The following CHST11 variants were observed in gnomAD, a reference collection of about 807,000 sequenced individuals.
CHST11 encodes carbohydrate sulfotransferase 11.
Under a neutral mutation model 30.4 loss-of-function variants are expected in CHST11, and 9 were observed. The ratio of observed to expected loss-of-function variants is 0.30; its 90% CI spans 0.18 to 0.52. CHST11 has a LOEUF of 0.52. Ranked by LOEUF, CHST11 falls within the 20% of genes least tolerant of loss-of-function variation. The probability of loss-of-function intolerance (pLI) is 0.97; values close to 1 mark genes in which losing one functional copy is unlikely to be tolerated. For synonymous variants in CHST11, 152 were observed against 187.8 expected (o/e 0.81, Z 1.56); for missense variants, 348 against 460.6 (o/e 0.76, Z 2.24).
At chr12:104,532,087 T>A (rs1049790556) in intron 1 of CHST11, among the ~76,000 whole-genome samples, 1 of 152,178 alleles carries the variant, frequency 6.6e-6, no homozygotes, top group African/African-American at 2.4e-5. Context: ...CTCATCTCTG[T>A]CTATCCTCTT....
intron 2 of CHST11, among the ~76,000 whole-genome samples, chr12:104,660,912 G>T (rs571590246): frequency 9.2e-5 from 14 of 152,136 alleles, no homozygotes; most frequent in Non-Finnish European, 1.6e-4. Context: ...TACATTTGGG[G>T]TTTCTGTGGT....
chr12:104,541,999 T>C (rs1222909354), intron 1 of CHST11, among the ~76,000 whole-genome samples: 1 of 152,240 alleles, frequency 6.6e-6, no homozygotes, highest in Admixed American at 6.5e-5. Context: ...GCATTTTACT[T>C]TCTAGCAACT....
At chr12:104,723,837 A>G (rs1424583640) in intron 2 of CHST11, among the ~76,000 whole-genome samples, 1 of 152,240 alleles carries the variant, frequency 6.6e-6, no homozygotes, top group African/African-American at 2.4e-5. Context: ...ATATAAAACG[A>G]ATTCTGTTCA....
intron 1 of CHST11, among the ~76,000 whole-genome samples, chr12:104,523,769 C>T (rs1337978773): frequency 6.6e-6 from 1 of 152,172 alleles, no homozygotes; most frequent in Non-Finnish European, 1.5e-5. Flanking sequence ...GGTTGTTTAC[C>T]TGTTATCTCT....
In CHST11 at chr12:104,726,110, A is replaced by G. The variant is rs1459846119; in HGVS notation, c.205-30839A>G. ...TCTGTTGACAGAGGTCAGAGAAGAC[A>G]ACAGAGAGATAGCAGAAAGAAATAT... On this transcript the variant is annotated intron_variant, in intron 2 of 2. Coordinates refer to ENST00000303694, the MANE Select transcript of CHST11 (RefSeq NM_018413.6). 2.6e-5 allele frequency among the ~76,000 whole-genome samples: 4 copies of G among 152,230 alleles called. No homozygotes were observed. In the East Asian group the frequency reaches 7.7e-4, roughly 29 times the overall value.
intron 1 of CHST11, chr12:104,588,930 A>G (rs1364597217): frequency 2.0e-5 from 3 of 152,210 alleles, no homozygotes; most frequent in African/African-American, 7.2e-5. Context: ...CCATCAGTGG[A>G]TGAATGAATA....
intron 1 of CHST11, among the ~76,000 whole-genome samples, chr12:104,525,516 G>C (rs1385337609): frequency 6.6e-6 from 1 of 152,158 alleles, no homozygotes; most frequent in Non-Finnish European, 1.5e-5. Flanking sequence ...CCATTTTGCT[G>C]TTCTCTACCT....
intron 1 of CHST11, among the ~76,000 whole-genome samples, chr12:104,488,407 G>T (rs1410747198): frequency 6.7e-6 from 1 of 150,228 alleles, no homozygotes; most frequent in Non-Finnish European, 1.5e-5. Flanking sequence ...GTGTGTCCAG[G>T]TATGTGTATG....
chr12:104,697,252 G>A (rs2039955499), intron 2 of CHST11, among the ~76,000 whole-genome samples: 2 of 152,178 alleles, frequency 1.3e-5, no homozygotes, highest in Admixed American at 1.3e-4. Context: ...CTGGATTAAG[G>A]GATGCCCAGA....
At chr12:104,647,467 C>T (rs1369719184) in intron 2 of CHST11, among the ~76,000 whole-genome samples, 1 of 151,992 alleles carries the variant, frequency 6.6e-6, no homozygotes, top group Non-Finnish European at 1.5e-5. Context: ...ACTTTAATTC[C>T]TCTACTCAAA....
intron 2 of CHST11, among the ~76,000 whole-genome samples, chr12:104,633,251 G>A (rs1253654971): frequency 6.6e-6 from 1 of 152,130 alleles, no homozygotes; most frequent in South Asian, 2.1e-4. Context: ...CCTCATTTGG[G>A]ACAATAACTC....
At chr12:104,573,665 A>T (rs2038652470) in intron 1 of CHST11, among the ~76,000 whole-genome samples, 1 of 152,258 alleles carries the variant, frequency 6.6e-6, no homozygotes, top group Non-Finnish European at 1.5e-5. Flanking sequence ...ACATGTAGAA[A>T]GCTAAAACTG....
intron 1 of CHST11, among the ~76,000 whole-genome samples, chr12:104,521,166 C>T (rs1370720961): frequency 6.6e-6 from 1 of 152,188 alleles, no homozygotes; most frequent in Non-Finnish European, 1.5e-5. Context: ...AGAGATTTGC[C>T]ATTGTATTCG....
intron 2 of CHST11, among the ~76,000 whole-genome samples, chr12:104,603,810 C>G (rs1257620251): frequency 6.6e-6 from 1 of 152,166 alleles, no homozygotes; most frequent in Non-Finnish European, 1.5e-5. Flanking sequence ...TACTTAACCT[C>G]TCTGAGATTT....
At chr12:104,525,673 A>G (rs777931938) in intron 1 of CHST11, among the ~76,000 whole-genome samples, 4 of 152,214 alleles carry the variant, frequency 2.6e-5, no homozygotes, top group Non-Finnish European at 5.9e-5. Flanking sequence ...CAGGCCTGGG[A>G]TATAGTAAGT....
intron 2 of CHST11, among the ~76,000 whole-genome samples, chr12:104,697,029 A>G (rs2039953421): frequency 6.6e-6 from 1 of 152,226 alleles, no homozygotes; most frequent in Admixed American, 6.5e-5. Flanking sequence ...ATAGGTAGAC[A>G]GATAAATTGC....
chr12:104,473,377 C>T (rs896402684), intron 1 of CHST11, among the ~76,000 whole-genome samples: 4 of 152,202 alleles, frequency 2.6e-5, no homozygotes, highest in African/African-American at 9.6e-5. Flanking sequence ...TAGCTTCACC[C>T]TCAGAGGGCT....
chr12:104,732,636 G>T (rs2040266796), intron 2 of CHST11, among the ~76,000 whole-genome samples: 1 of 152,108 alleles, frequency 6.6e-6, no homozygotes, highest in Non-Finnish European at 1.5e-5. Flanking sequence ...ACCTTTTGGG[G>T]CTTAGCCACC....
At chr12:104,686,179 C>A (rs1404750939) in intron 2 of CHST11, among the ~76,000 whole-genome samples, 1 of 147,962 alleles carries the variant, frequency 6.8e-6, no homozygotes, top group Admixed American at 6.9e-5. Flanking sequence ...CTATAGTGAA[C>A]TATGGTCCCA....
Sources: gnomAD v4.1 joint callset for allele counts (sites outside exome capture counted in the v4.1 genomes callset) on GRCh38, gnomAD v4.1.1 for gene constraint, MANE v1.5 for transcripts, NCBI Gene and HGNC (gene_info 2026-07-23, HGNC 2026-07-21) for gene names.